The following TBC1D12 variants were observed in gnomAD, a reference collection of about 807,000 sequenced individuals.
The protein encoded by TBC1D12 is TBC1 domain family member 12, also known as TBC1 domain family, member 12.
A neutral mutation model predicts 86.7 loss-of-function variants in TBC1D12; 56 were observed. The observed-to-expected ratio is 0.65, with a 90% confidence interval of 0.52 to 0.81. TBC1D12 has a LOEUF of 0.81. Among genes scored for constraint, TBC1D12 ranks in the 30% least tolerant of loss-of-function variants. The pLI, the probability that TBC1D12 is intolerant of heterozygous loss-of-function variation, is 0.00. For synonymous variants in TBC1D12, 421 were observed against 411.7 expected, an observed-to-expected ratio of 1.02 and a Z score of -0.27; for missense variants, 1,023 against 1,038.8, an observed-to-expected ratio of 0.98 and a Z score of 0.21.
At position 94,465,429 on chromosome 10, in the gene TBC1D12, C is replaced by G. The variant is rs1021439071; in HGVS notation, c.1096-9239C>G. On this transcript the variant is annotated intron_variant, in intron 2 of 12. Transcript: ENST00000225235. Reference sequence around the variant, plus strand: ...TTGGGAGGATGAGGCAGGTGGATCACGAGGTCAAGAGACTGAGCTCATCCT... The same window carrying G: ...TTGGGAGGATGAGGCAGGTGGATCAGGAGGTCAAGAGACTGAGCTCATCCT... Among the ~76,000 whole-genome samples, 7 of 152,008 alleles carry G rather than the reference C, an allele frequency of 4.6e-5. No individual in the cohort carries two copies. The East Asian group carries it at 1.4e-3, about 29-fold the overall frequency.
chr10:94,454,192 G>A (rs1172649860), intron 2 of TBC1D12, among the ~76,000 whole-genome samples: 1 of 152,134 alleles, frequency 6.6e-6, no homozygotes, highest in African/African-American at 2.4e-5. Flanking sequence ...TATAGATCAA[G>A]TTGAGAAAAG....
chr10:94,479,608 C>T, intron 3 of TBC1D12, among the ~76,000 whole-genome samples: 1 of 152,086 alleles, frequency 6.6e-6, no homozygotes, highest in East Asian at 1.9e-4. Context: ...TAGAAAGCAG[C>T]TTTGGACAGA....
At chr10:94,499,453 C>CGT (rs2056366706) in intron 5 of TBC1D12, among the ~76,000 whole-genome samples, 1 of 152,154 alleles carries the variant, frequency 6.6e-6, no homozygotes, top group South Asian at 2.1e-4. Flanking sequence ...GGCACAATAT[C>CGT]CTACAGGTTC....
At chr10:94,522,282 G>A (rs955030657) in intron 10 of TBC1D12, 62 bp from the exon 11 acceptor site, 62 of 1,096,278 alleles carry the variant, frequency 5.7e-5, no homozygotes, top group Admixed American at 1.2e-4. Context: ...GTGTTTAAGC[G>A]TTTAATTTCT....
chr10:94,508,439 TTC>T (rs150817641), intron 7 of TBC1D12: 119 of 148,722 alleles, frequency 8.0e-4, no homozygotes, highest in Admixed American at 1.1e-3. Context: ...CCAATTCTTT[TTC>T]TCTCTCTCTC....
chr10:94,455,845 C>T (rs2055619201), intron 2 of TBC1D12, among the ~76,000 whole-genome samples: 2 of 152,210 alleles, frequency 1.3e-5, no homozygotes, highest in African/African-American at 2.4e-5. Context: ...GTAGTCCCAA[C>T]TCCTTGGGAG....
At chr10:94,429,720 C>A (rs1041885069) in intron 1 of TBC1D12, among the ~76,000 whole-genome samples, 126 of 152,158 alleles carry the variant, frequency 8.3e-4, no homozygotes, top group African/African-American at 2.7e-3. Context: ...TTTACTCTTT[C>A]AATTGATTCT....
At chr10:94,517,479 T>C (rs947428666) in intron 9 of TBC1D12, among the ~76,000 whole-genome samples, 7 of 152,210 alleles carry the variant, frequency 4.6e-5, no homozygotes, top group African/African-American at 9.6e-5. Flanking sequence ...ATTACACTTA[T>C]GATAATGATT....
At chr10:94,522,152 T>C (rs1025781035) in intron 10 of TBC1D12, 69 bp downstream of exon 10, 1 of 1,533,350 alleles carries the variant, frequency 6.5e-7, no homozygotes, top group Non-Finnish European at 8.8e-7. Flanking sequence ...AAACAATAAT[T>C]AGAAGGCCAA....
chr10:94,476,856 C>T (rs1003622875), intron 3 of TBC1D12, among the ~76,000 whole-genome samples: 7 of 152,128 alleles, frequency 4.6e-5, no homozygotes, highest in Non-Finnish European at 8.8e-5. Flanking sequence ...AGGCTTTTAT[C>T]TTATTTCTAC....
intron 1 of TBC1D12, among the ~76,000 whole-genome samples, chr10:94,423,670 C>G (rs1038700025): frequency 2.0e-5 from 3 of 152,074 alleles, no homozygotes; most frequent in Non-Finnish European, 4.4e-5. Flanking sequence ...TTTTAACTTT[C>G]TCAATCTCTA....
chr10:94,452,027 C>A (rs1191569362), intron 2 of TBC1D12, among the ~76,000 whole-genome samples: 1 of 151,010 alleles, frequency 6.6e-6, no homozygotes, highest in Non-Finnish European at 1.5e-5. Context: ...TTGCATATTT[C>A]TGGATTAGAT....
intron 11 of TBC1D12, among the ~76,000 whole-genome samples, chr10:94,524,498 T>C (rs1043090040): frequency 7.9e-5 from 12 of 152,202 alleles, no homozygotes; most frequent in Non-Finnish European, 1.6e-4. Context: ...CCCAGTACTT[T>C]GGGAGGCCGA....
rs189615268 is a variant in TBC1D12, at chr10:94,471,701, C to G, written c.1096-2967C>G. Among the ~76,000 whole-genome samples, 10 of 152,316 alleles carry G rather than the reference C, an allele frequency of 6.6e-5. No homozygotes were observed. The East Asian group carries it at 1.9e-3, about 29-fold the overall frequency. On this transcript the variant is annotated intron_variant, in intron 2 of 12. Transcript: ENST00000225235. ...TCCACCATGGCCATGAGTGATCTCT[C>G]ATAAGATATACTTTATTTTTTGTTG...
chr10:94,447,871 G>A (rs1326825237), intron 2 of TBC1D12, among the ~76,000 whole-genome samples: 7 of 147,800 alleles, frequency 4.7e-5, no homozygotes, highest in African/African-American at 1.8e-4. Flanking sequence ...TGATACAATT[G>A]CATACTAGAT....
chr10:94,409,154 C>T (rs893589849), intron 1 of TBC1D12, among the ~76,000 whole-genome samples: 1 of 151,790 alleles, frequency 6.6e-6, no homozygotes, highest in Non-Finnish European at 1.5e-5. Flanking sequence ...AAAAACCCCC[C>T]AAAAAACAAC....
chr10:94,529,926 A>G (rs1842382341), intron 11 of TBC1D12, among the ~76,000 whole-genome samples: 1 of 152,228 alleles, frequency 6.6e-6, no homozygotes, highest in South Asian at 2.1e-4. Context: ...TTATACTACC[A>G]AAAGTGGTTT....
At chr10:94,477,342 A>G (rs890817867) in intron 3 of TBC1D12, among the ~76,000 whole-genome samples, 1 of 152,106 alleles carries the variant, frequency 6.6e-6, no homozygotes, top group African/African-American at 2.4e-5. Flanking sequence ...ACAAACCAAC[A>G]AAGTGTCTTC....
At position 94,434,216 on chromosome 10, in the gene TBC1D12, T is replaced by C. The variant is rs74231365; in HGVS notation, c.972-7680T>C. On this transcript the variant is annotated intron_variant, in intron 1 of 12. Coordinates refer to ENST00000225235, the MANE Select transcript of TBC1D12 (RefSeq NM_015188.2). The stretch of plus-strand genomic sequence containing the variant: ...GCTCCTCAGCTATGGATTAAAAATA[T>C]GAAAATTGGCCAGGTACAGTGGCTC... Among the ~76,000 whole-genome samples, 393 of 152,182 alleles carry C rather than the reference T, an allele frequency of 2.6e-3. 10 individuals carry two copies. In the East Asian group the frequency reaches 0.06, roughly 23 times the overall value.
Sources: allele counts gnomAD v4.1 joint callset (sites outside exome capture counted in the v4.1 genomes callset), GRCh38; gene constraint gnomAD v4.1.1; transcripts MANE v1.5; gene names NCBI Gene and HGNC (gene_info 2026-07-23, HGNC 2026-07-21).